Variants in HAPLN1 observed in about 807,000 individuals in gnomAD.
HAPLN1 encodes Cartilage link protein.
HAPLN1 carries 13 observed loss-of-function variants against 36.5 expected under a neutral mutation model. The ratio of observed to expected loss-of-function variants is 0.36; its 90% CI spans 0.23 to 0.57. HAPLN1 has a LOEUF of 0.57. HAPLN1 is among the 20% of genes least tolerant of loss of function. HAPLN1 has a pLI of 0.83. For missense variants in HAPLN1, 407 were observed against 439.7 expected, an observed-to-expected ratio of 0.93 and a Z score of 0.66; for synonymous variants, 202 against 169.8, an observed-to-expected ratio of 1.19 and a Z score of -1.48.
chr5:83,653,166 A>G (rs985128318), intron 2 of HAPLN1, among the ~76,000 whole-genome samples: 1 of 152,222 alleles, frequency 6.6e-6, no homozygotes, highest in Admixed American at 6.5e-5. Context: ...TATCAAAAAT[A>G]TAGAAACAAG....
At chr5:83,646,928 G>A (rs1432063344) in intron 3 of HAPLN1, among the ~76,000 whole-genome samples, 4 of 152,210 alleles carry the variant, frequency 2.6e-5, no homozygotes, top group Non-Finnish European at 4.4e-5. Context: ...AAATCTCAAA[G>A]TATCTCAACC....
chr5:83,667,770 C>T (rs2112590196), intron 2 of HAPLN1, among the ~76,000 whole-genome samples: 1 of 152,298 alleles, frequency 6.6e-6, no homozygotes, highest in South Asian at 2.1e-4. Context: ...CACCAAATCC[C>T]AAATCTGCAG....
chr5:83,669,876 C>G (rs780852850), intron 2 of HAPLN1, among the ~76,000 whole-genome samples: 7 of 152,078 alleles, frequency 4.6e-5, no homozygotes, highest in Non-Finnish European at 1.0e-4. Flanking sequence ...AGAGGGGTAA[C>G]TGGGATTTGG....
At position 83,638,329 on chromosome 5, in the gene HAPLN1, A is replaced by G. The variant is rs1749577154; in HGVS notation, c.*3167T>C. ...TACTTGATATCTATTAAATGCCTTT[A>G]AATATTGGTTTTCTTTTAATCAGGT... On this transcript the variant is annotated 3_prime_UTR_variant, in exon 5 of 5. Coordinates refer to ENST00000274341, the MANE Select transcript of HAPLN1 (RefSeq NM_001884.4). The G allele has an allele frequency of 6.6e-6, 1 of 151,940 alleles. No individual in the cohort carries two copies. The highest frequency in any genetic ancestry group is 1.5e-5 in the Non-Finnish European group (1 of 67,882). The allele number at this position is 151,940 out of a possible 1,614,324, so 9.4% of individuals were successfully genotyped here. A position where few individuals can be genotyped will look rare whatever the true frequency, so the allele number is the denominator to read the frequency against.
chr5:83,649,740 T>C (rs988652134), intron 3 of HAPLN1, among the ~76,000 whole-genome samples: 1 of 152,180 alleles, frequency 6.6e-6, no homozygotes, highest in Non-Finnish European at 1.5e-5. Context: ...TGAACCACCA[T>C]GCCCGGCCGT....
In HAPLN1 at chr5:83,651,555, T is replaced by C. The variant is rs560391652; in HGVS notation, c.472+898A>G. On this transcript the variant is annotated intron_variant, in intron 3 of 4. Coordinates refer to ENST00000274341, the MANE Select transcript of HAPLN1 (RefSeq NM_001884.4). ...AGCAAATAAATCTCCATATATGTGA[T>C]AGGATTGTATGGGATTCAAAAGGTC... Among the ~76,000 whole-genome samples, 280 of 35,284 alleles carry C rather than the reference T, an allele frequency of 7.9e-3. 1 individual carries two copies. The highest frequency in any genetic ancestry group is 0.062 in the African/African-American group (272 of 4,374). The allele number at this position is 35,284 out of a possible 152,430, so 23.1% of individuals were successfully genotyped here.
At chr5:83,715,126 G>T (rs376000323) in intron 1 of HAPLN1, among the ~76,000 whole-genome samples, 7 of 152,156 alleles carry the variant, frequency 4.6e-5, no homozygotes, top group African/African-American at 1.7e-4. Context: ...ATTCAATGAG[G>T]CTTAATTACA....
Position 83,707,442 on chromosome 5 carries a change from C to T in HAPLN1, c.-27+13347G>A, listed in dbSNP as rs144461220. ...CCAAACAAGACCACTCACCTATGAC[C>T]GTCTGATCTTTGACAAAACTGATAA... On this transcript the variant is annotated intron_variant, in intron 1 of 4. Transcript: ENST00000274341. Among the ~76,000 whole-genome samples the T allele has an allele frequency of 6.1e-3, 931 of 152,220 alleles. 10 individuals carry two copies. The highest frequency in any genetic ancestry group is 0.022 in the African/African-American group (895 of 41,526).
intron 1 of HAPLN1, among the ~76,000 whole-genome samples, chr5:83,704,328 A>G (rs2112632299): frequency 6.6e-6 from 1 of 152,342 alleles, no homozygotes; most frequent in Middle Eastern, 3.4e-3. Flanking sequence ...GGCAAGTGAC[A>G]CTATAAAGCA....
intron 1 of HAPLN1, among the ~76,000 whole-genome samples, chr5:83,719,060 T>A (rs953631884): frequency 2.0e-5 from 3 of 152,216 alleles, no homozygotes; most frequent in African/African-American, 7.2e-5. Context: ...CTGGATGTGT[T>A]ACTTGCTCCC....
chr5:83,716,797 C>T lies in HAPLN1; in HGVS notation c.-27+3992G>A, dbSNP rs546255299. ...CTGTAATCCCAGTACTTTGGGAGGC[C>T]GAGGCGGGTGGATCACCTGAGGTCA... On this transcript the variant is annotated intron_variant, in intron 1 of 4. Coordinates refer to ENST00000274341, the MANE Select transcript of HAPLN1 (RefSeq NM_001884.4). Among the ~76,000 whole-genome samples the T allele has an allele frequency of 6.6e-5, 10 of 152,188 alleles. No individual in the cohort carries two copies. In the South Asian group the frequency reaches 1.5e-3, roughly 22 times the overall value.
intron 1 of HAPLN1, among the ~76,000 whole-genome samples, chr5:83,698,821 C>T (rs1240096040): frequency 6.6e-6 from 1 of 152,146 alleles, no homozygotes; most frequent in Non-Finnish European, 1.5e-5. Context: ...TACTTGACCC[C>T]ATAGTATAAT....
intron 2 of HAPLN1, among the ~76,000 whole-genome samples, chr5:83,666,100 T>A (rs948232375): frequency 9.2e-5 from 14 of 152,226 alleles, no homozygotes; most frequent in African/African-American, 3.1e-4. Flanking sequence ...TAGATACTAT[T>A]AGTTTGATAA....
intron 1 of HAPLN1, among the ~76,000 whole-genome samples, chr5:83,708,261 C>T (rs548536405): frequency 1.2e-4 from 18 of 152,264 alleles, no homozygotes; most frequent in South Asian, 2.1e-4. Flanking sequence ...TACCTGCACA[C>T]GTATATTCAT....
intron 1 of HAPLN1, among the ~76,000 whole-genome samples, chr5:83,708,096 A>C (rs1389693168): frequency 6.6e-6 from 1 of 152,240 alleles, no homozygotes; most frequent in African/African-American, 2.4e-5. Context: ...GAAAGCGAAC[A>C]CTTATACATT....
chr5:83,709,021 ATG>A (rs1257829745), intron 1 of HAPLN1, among the ~76,000 whole-genome samples: 1 of 152,124 alleles, frequency 6.6e-6, no homozygotes, highest in Non-Finnish European at 1.5e-5. Flanking sequence ...GACTACAGGC[ATG>A]TGCCACCATG....
At position 83,652,824 on chromosome 5, in the gene HAPLN1, G is replaced by T; in HGVS notation, c.101C>A (p.Ala34Glu). The T allele has an allele frequency of 1.9e-6, 3 of 1,551,542 alleles. No homozygotes were observed. The highest frequency in any genetic ancestry group is 1.2e-5 in the South Asian group (1 of 81,778). Reference sequence around the variant, plus strand: ...CACAAGTAGATGGGGGCCATTTTCTGCTATAATTAAAAAGGAAAAAAAAAA... The same window carrying T: ...CACAAGTAGATGGGGGCCATTTTCTTCTATAATTAAAAAGGAAAAAAAAAA... ...LDHDRAIHIQ[A>E]ENGPHLLVEA... Residue 34 changes from alanine to glutamate, a missense_variant and splice_region_variant, in exon 3 of 5, where the codon GCA becomes GAA. Ala to Glu is a moderately radical substitution (Grantham distance 107). Transcript: ENST00000274341.
chr5:83,697,695 A>T (rs1482408506), intron 1 of HAPLN1, among the ~76,000 whole-genome samples: 2 of 152,042 alleles, frequency 1.3e-5, no homozygotes, highest in African/African-American at 4.8e-5. Flanking sequence ...CCTCACTGAC[A>T]CTTATTATTG....
chr5:83,718,618 C>A (rs2112645105), intron 1 of HAPLN1, among the ~76,000 whole-genome samples: 1 of 152,256 alleles, frequency 6.6e-6, no homozygotes, highest in South Asian at 2.1e-4. Flanking sequence ...ATTTTGCTAC[C>A]TTTAAATGAC....
Sources: gnomAD v4.1 joint callset for allele counts (sites outside exome capture counted in the v4.1 genomes callset) on GRCh38, gnomAD v4.1.1 for gene constraint, MANE v1.5 for transcripts, NCBI Gene and HGNC (gene_info 2026-07-23, HGNC 2026-07-21) for gene names.